SGCZ: variants seen among roughly 807,000 people sequenced by gnomAD.
The protein encoded by SGCZ is sarcoglycan zeta, also known as zeta-sarcoglycan.
SGCZ carries 40 observed loss-of-function variants against 41.3 expected under a neutral mutation model. The observed-to-expected ratio is 0.97, with a 90% CI of 0.75 to 1.26. SGCZ has a LOEUF of 1.26. SGCZ is among the 50% of genes most tolerant of loss of function. SGCZ has a pLI of 0.00. For synonymous variants in SGCZ, 206 were observed against 137.5 expected (o/e 1.50, Z -3.49); for missense variants, 552 against 369.8 (o/e 1.49, Z -4.04).
chr8:14,840,114 G>C (rs1319933990), intron 1 of SGCZ, among the ~76,000 whole-genome samples: 1 of 151,946 alleles, frequency 6.6e-6, no homozygotes, highest in Non-Finnish European at 1.5e-5. Flanking sequence ...CTTAAAGAAA[G>C]TAAATGTTCA....
intron 1 of SGCZ, among the ~76,000 whole-genome samples, chr8:14,856,549 T>C (rs1375344601): frequency 1.3e-5 from 2 of 152,312 alleles, no homozygotes; most frequent in Non-Finnish European, 2.9e-5. Flanking sequence ...AGCTCTCTCA[T>C]GTTCCCTAAT....
intron 1 of SGCZ, among the ~76,000 whole-genome samples, chr8:15,022,234 G>T (rs779083907): frequency 8.5e-5 from 13 of 152,198 alleles, no homozygotes; most frequent in African/African-American, 2.9e-4. Context: ...AAAAAATTCA[G>T]TGAGGTAGGT....
intron 7 of SGCZ, among the ~76,000 whole-genome samples, chr8:14,100,547 T>A (rs1014327941): frequency 2.2e-5 from 2 of 91,948 alleles, no homozygotes; most frequent in Non-Finnish European, 4.8e-5. Flanking sequence ...ATATTATACA[T>A]TAGATTAATA....
intron 1 of SGCZ, among the ~76,000 whole-genome samples, chr8:14,592,739 A>T (rs572365694): frequency 6.6e-6 from 1 of 152,296 alleles, no homozygotes; most frequent in South Asian, 2.1e-4. Flanking sequence ...CATCTAACTA[A>T]ATTTTACTGA....
chr8:14,199,517 C>A (rs1219699898), intron 4 of SGCZ, among the ~76,000 whole-genome samples: 3 of 152,074 alleles, frequency 2.0e-5, no homozygotes, highest in Admixed American at 6.5e-5. Flanking sequence ...ATCTCTGTGA[C>A]CCACACCCTA....
At chr8:15,161,512 C>G (rs1223140844) in intron 1 of SGCZ, among the ~76,000 whole-genome samples, 1 of 152,140 alleles carries the variant, frequency 6.6e-6, no homozygotes, top group Non-Finnish European at 1.5e-5. Flanking sequence ...CTTCTGTATC[C>G]TCAGCAGTGG....
At chr8:14,546,189 T>C (rs143027088) in intron 2 of SGCZ, among the ~76,000 whole-genome samples, 1 of 152,132 alleles carries the variant, frequency 6.6e-6, no homozygotes, top group African/African-American at 2.4e-5. Flanking sequence ...TGAGGGGCAG[T>C]GCGGTCTCTG....
chr8:14,350,570 C>T (rs552086051), intron 2 of SGCZ, among the ~76,000 whole-genome samples: 11 of 152,066 alleles, frequency 7.2e-5, no homozygotes, highest in South Asian at 2.1e-4. Flanking sequence ...ACCCAGTGAC[C>T]GGTACATACA....
intron 2 of SGCZ, among the ~76,000 whole-genome samples, chr8:14,448,663 C>T (rs565281753): frequency 4.4e-4 from 66 of 150,954 alleles, no homozygotes; most frequent in Non-Finnish European, 6.5e-4. Flanking sequence ...ATTCAAGTTT[C>T]CTCAGTTCAT....
At chr8:14,565,992 A>G (rs780260011) in intron 1 of SGCZ, among the ~76,000 whole-genome samples, 1 of 152,184 alleles carries the variant, frequency 6.6e-6, no homozygotes, top group Admixed American at 6.5e-5. Flanking sequence ...AAATTTTCAA[A>G]TGGATAATAA....
At chr8:15,023,955 T>C (rs1428244219) in intron 1 of SGCZ, among the ~76,000 whole-genome samples, 1 of 152,148 alleles carries the variant, frequency 6.6e-6, no homozygotes, top group Non-Finnish European at 1.5e-5. Flanking sequence ...AAATAGAAGA[T>C]TATGGAGTGC....
Position 14,507,747 on chromosome 8 carries a change from TG to T in SGCZ, c.234+46984del, listed in dbSNP as rs373830301. Among the ~76,000 whole-genome samples the T allele has an allele frequency of 9.2e-3, 1,302 of 142,150 alleles. 22 individuals carry two copies. Among genetic ancestry groups the T allele is most frequent in the African/African-American group, 0.035 (1,248 of 35,236 alleles). The allele number at this position is 142,150 out of a possible 152,430, so 93.3% of individuals were successfully genotyped here. A position where few individuals can be genotyped will look rare whatever the true frequency, so the allele number is the denominator to read the frequency against. Reference sequence around the variant, plus strand: ...GTTTTAATTTCTACATTGCTGTTTTTGTTTGTTTGTTTGTTTTTTTGTTTTT... The same window carrying T: ...GTTTTAATTTCTACATTGCTGTTTTTTTTGTTTGTTTGTTTTTTTGTTTTT... On this transcript the variant is annotated intron_variant, in intron 2 of 7. Transcript: ENST00000382080.
At chr8:14,779,312 A>G (rs930739187) in intron 1 of SGCZ, among the ~76,000 whole-genome samples, 1 of 152,220 alleles carries the variant, frequency 6.6e-6, no homozygotes, top group African/African-American at 2.4e-5. Context: ...CCATGTTATG[A>G]GAACACTCAA....
At chr8:14,882,198 C>A (rs939437313) in intron 1 of SGCZ, among the ~76,000 whole-genome samples, 2 of 152,188 alleles carry the variant, frequency 1.3e-5, no homozygotes, top group Admixed American at 1.3e-4. Flanking sequence ...CTGAGGCAAT[C>A]CCTAATGGGA....
At chr8:15,073,091 T>C (rs916580219) in intron 1 of SGCZ, among the ~76,000 whole-genome samples, 4 of 152,116 alleles carry the variant, frequency 2.6e-5, no homozygotes. Context: ...CATGTCAGCA[T>C]GGGCTTCATG....
At chr8:15,184,803 G>A (rs1800287294) in intron 1 of SGCZ, among the ~76,000 whole-genome samples, 1 of 152,146 alleles carries the variant, frequency 6.6e-6, no homozygotes, top group Non-Finnish European at 1.5e-5. Context: ...TTTACCTGCA[G>A]CCTTGTAATG....
intron 1 of SGCZ, among the ~76,000 whole-genome samples, chr8:14,839,107 C>T (rs910395578): frequency 6.6e-6 from 1 of 151,980 alleles, no homozygotes; most frequent in Non-Finnish European, 1.5e-5. Flanking sequence ...TCAGGAAGAT[C>T]GAAAAGACTG....
At chr8:14,865,099 A>G (rs1244275039) in intron 1 of SGCZ, among the ~76,000 whole-genome samples, 1 of 152,044 alleles carries the variant, frequency 6.6e-6, no homozygotes, top group Non-Finnish European at 1.5e-5. Flanking sequence ...ATATAATTAT[A>G]AAAAATGTGC....
At chr8:14,603,748 A>C (rs544861640) in intron 1 of SGCZ, among the ~76,000 whole-genome samples, 6 of 152,174 alleles carry the variant, frequency 3.9e-5, no homozygotes, top group Non-Finnish European at 7.4e-5. Flanking sequence ...AGTAAAATAA[A>C]GTTGCTGCTT....
Sources: allele counts gnomAD v4.1 joint callset (sites outside exome capture counted in the v4.1 genomes callset), GRCh38; gene constraint gnomAD v4.1.1; transcripts MANE v1.5; gene names NCBI Gene and HGNC (gene_info 2026-07-23, HGNC 2026-07-21).